CRISPLD1: variants seen among roughly 807,000 people sequenced by gnomAD.
CRISPLD1 encodes the protein cysteine rich secretory protein LCCL domain containing 1.
CRISPLD1 carries 60 observed loss-of-function variants against 77.5 expected under a neutral mutation model. That is an observed-to-expected ratio of 0.77 (90% CI 0.63 to 0.96). The LOEUF is 0.96. Among genes scored for constraint, CRISPLD1 ranks in the 40% least tolerant of loss-of-function variants. The probability of loss-of-function intolerance (pLI) is 0.00; values close to 1 mark genes in which losing one functional copy is unlikely to be tolerated. For missense variants in CRISPLD1, 623 were observed against 615.8 expected (o/e 1.01, Z -0.12); for synonymous variants, 195 against 200.1 (o/e 0.97, Z 0.22).
At position 75,016,572 on chromosome 8, in the gene CRISPLD1, A is replaced by G; in HGVS notation, c.735A>G (p.Ser245=). The change falls in exon 7 of 15, where the codon TCA becomes TCG. Residue 245 remains serine (S), a synonymous_variant. Transcript: ENST00000262207. ...ATCTGCTTTCTCTAACAGAAGGGTCAGACAGGTATTATCCCCCTCGAGAAG... is the reference window on the plus strand; with the variant it reads ...ATCTGCTTTCTCTAACAGAAGGGTCGGACAGGTATTATCCCCCTCGAGAAG... The part of the protein sequence containing the change: ...CRENLCYKEG[S]DRYYPPREEE... The G allele has an allele frequency of 6.2e-7, 1 of 1,611,122 alleles. No individual in the cohort carries two copies. The highest frequency in any genetic ancestry group is 8.5e-7 in the Non-Finnish European group (1 of 1,178,406).
At chr8:75,032,159 A>AT in intron 14 of CRISPLD1, 32 bp from the exon 15 acceptor site, 1 of 1,476,634 alleles carries the variant, frequency 6.8e-7, no homozygotes, top group African/African-American at 1.5e-5. Flanking sequence ...GATGACATCA[A>AT]TATACTTTTC....
intron 2 of CRISPLD1, among the ~76,000 whole-genome samples, chr8:75,002,350 G>T (rs1480164934): frequency 6.7e-6 from 1 of 148,400 alleles, no homozygotes; most frequent in African/African-American, 2.5e-5. Flanking sequence ...GGGAAGAAGA[G>T]AAAATTCATT....
rs145808491 is a variant in CRISPLD1, at chr8:75,007,133, TATA to T, written c.259-5294_259-5292del. Among the ~76,000 whole-genome samples, 674 of 152,282 alleles carry T rather than the reference TATA, an allele frequency of 4.4e-3. 5 individuals carry two copies. The highest frequency in any genetic ancestry group is 0.015 in the African/African-American group (630 of 41,566). On this transcript the variant is annotated intron_variant, in intron 2 of 14. Transcript: ENST00000262207. Reference sequence around the variant, plus strand: ...CTTCAACTCTTGTTTAATGTAGTACTATAATAATTTTGAAGTTATAAAGAGTAA... The same window carrying T: ...CTTCAACTCTTGTTTAATGTAGTACTATAATTTTGAAGTTATAAAGAGTAA...
chr8:75,027,344 T>C (rs891620724), intron 13 of CRISPLD1, among the ~76,000 whole-genome samples: 2 of 152,230 alleles, frequency 1.3e-5, no homozygotes, highest in Non-Finnish European at 2.9e-5. Flanking sequence ...TTAATAAATA[T>C]ATAGGAATAT....
intron 9 of CRISPLD1, 75 bp downstream of exon 9, chr8:75,017,188 CACCTT>C (rs1813047443): frequency 1.3e-6 from 2 of 1,509,778 alleles, no homozygotes; most frequent in African/African-American, 1.4e-5. Context: ...TGCAAAATAA[CACCTT>C]ACATAAGTAT....
rs896008538 is a variant in CRISPLD1 at position 75,029,271 on chromosome 8, T to G, written c.1321-116T>G. 13 of 1,019,432 alleles carry G rather than the reference T, an allele frequency of 1.3e-5. No individual in the cohort carries two copies. The Admixed American group carries it at 1.7e-4, about 14-fold the overall frequency. 63.1% of individuals were successfully genotyped at this position (1,019,432 alleles called of 1,614,324 possible). A position where few individuals can be genotyped will look rare whatever the true frequency, so the allele number is the denominator to read the frequency against. ...AAAACCTCATCCTGTAGCTGCTCAC[T>G]GGCTATCCATGACATCAGGATGTCA... On this transcript the variant is annotated intron_variant, in intron 13 of 14. Coordinates refer to ENST00000262207, the MANE Select transcript of CRISPLD1 (RefSeq NM_031461.6).
Position 74,986,080 on chromosome 8 carries a change from A to G in CRISPLD1, c.93A>G (p.Leu31=). The G allele has an allele frequency of 6.2e-7, 1 of 1,614,124 alleles. No homozygotes were observed. The highest frequency in any genetic ancestry group is 8.5e-7 in the Non-Finnish European group (1 of 1,180,032). The stretch of plus-strand genomic sequence containing the variant: ...CCATGGTGGTTCCCAATGCCACTTT[A>G]TTGGAGAAACTTTTGGAAAAATACA... ...IPAMVVPNAT[L]LEKLLEKYMD... Residue 31 remains leucine, a synonymous_variant, in exon 2 of 15, where the codon TTA becomes TTG. Coordinates refer to ENST00000262207, the MANE Select transcript of CRISPLD1 (RefSeq NM_031461.6).
chr8:74,985,777 G>A, intron 1 of CRISPLD1, 149 bp from the exon 2 acceptor site: 1 of 626,566 alleles, frequency 1.6e-6, no homozygotes, highest in Non-Finnish European at 2.8e-6. Context: ...TTGGAGATAA[G>A]TTATTTCAAA....
rs1361701837 is a variant in CRISPLD1 at position 75,012,495 on chromosome 8, T to C, written c.321T>C (p.His107=). ...GGGCTGAAAGTTGCTTGTGGGAACA[T>C]GGACCTGCAAGCTTGCTTCCATCAA... The part of the protein sequence containing the change: ...ESWAESCLWE[H]GPASLLPSIG... Residue 107 remains histidine, a synonymous_variant, in exon 3 of 15, where the codon CAT becomes CAC. Coordinates refer to ENST00000262207, the MANE Select transcript of CRISPLD1 (RefSeq NM_031461.6). The C allele has an allele frequency of 7.4e-6, 12 of 1,613,164 alleles. No individual in the cohort carries two copies. Among genetic ancestry groups the C allele is most frequent in the Non-Finnish European group, 8.5e-6 (10 of 1,179,330 alleles).
At chr8:75,024,513 CG>C (rs1213344087) in intron 12 of CRISPLD1, among the ~76,000 whole-genome samples, 2 of 152,078 alleles carry the variant, frequency 1.3e-5, no homozygotes, top group African/African-American at 2.4e-5. Context: ...TTAGCAGAGA[CG>C]GGGTTTCACC....
rs562371786 is a variant in CRISPLD1 at position 75,026,107 on chromosome 8, GA to G, written c.1320+488del. Among the ~76,000 whole-genome samples, 274 of 152,270 alleles carry G rather than the reference GA, an allele frequency of 1.8e-3. 1 individual carries two copies. The highest frequency in any genetic ancestry group is 3.1e-3 in the Non-Finnish European group (208 of 68,008). Reference sequence around the variant, plus strand: ...AGATGACTTTAGTGGGTTGGACAAGGAATGTGAGCTGTGATGGCCCAGGCTG... The same window carrying G: ...AGATGACTTTAGTGGGTTGGACAAGGATGTGAGCTGTGATGGCCCAGGCTG... On this transcript the variant is annotated intron_variant, in intron 13 of 14. Coordinates refer to ENST00000262207, the MANE Select transcript of CRISPLD1 (RefSeq NM_031461.6).
chr8:74,997,878 G>A (rs970156928), intron 2 of CRISPLD1, among the ~76,000 whole-genome samples: 4 of 152,196 alleles, frequency 2.6e-5, no homozygotes, highest in Non-Finnish European at 5.9e-5. Flanking sequence ...TCAGTGGTGA[G>A]GAATGCTCAG....
At position 74,986,246 on chromosome 8, in the gene CRISPLD1, G is replaced by T. The variant is rs762504385; in HGVS notation, c.258+1G>T. On this transcript the variant is annotated splice_donor_variant, in intron 2 of 14. Transcript: ENST00000262207. LOFTEE classifies it high-confidence loss of function. ...AACAGCCTCTAATATGGAGTATATGGTAAGGACATTTTTCAAGTGGTATGT... is the reference window on the plus strand; with the variant it reads ...AACAGCCTCTAATATGGAGTATATGTTAAGGACATTTTTCAAGTGGTATGT... The T allele has an allele frequency of 1.2e-6, 2 of 1,613,196 alleles. No homozygotes were observed. The highest frequency in any genetic ancestry group is 4.5e-5 in the East Asian group (2 of 44,870).
chr8:74,986,884 CTT>C (rs1438497277), intron 2 of CRISPLD1, among the ~76,000 whole-genome samples: 1 of 152,116 alleles, frequency 6.6e-6, no homozygotes, highest in East Asian at 1.9e-4. Context: ...AAATTTGCAA[CTT>C]TAAGGGACAT....
chr8:75,024,247 A>G (rs973289928), intron 12 of CRISPLD1, among the ~76,000 whole-genome samples: 7 of 152,186 alleles, frequency 4.6e-5, no homozygotes, highest in African/African-American at 7.2e-5. Flanking sequence ...GGCTCTTGTC[A>G]TTTACTCTGA....
rs1346757663 is a variant in CRISPLD1, at chr8:75,016,681, G to A, written c.844G>A (p.Glu282Lys). The A allele has an allele frequency of 6.2e-7, 1 of 1,612,944 alleles. No individual in the cohort carries two copies. Residue 282 changes from glutamate to lysine, a missense_variant, in exon 7 of 15, where the codon GAA (glutamate) becomes AAA (lysine). Glu to Lys is a moderately conservative substitution (Grantham distance 56, BLOSUM62 1). Transcript: ENST00000262207. ...RTRSDDSSRN[E>K]VISAQQMSQI... Reference sequence around the variant, plus strand: ...AAGATCAGATGATAGTAGCAGAAATGAAGTCATAAGCGCACAGCAAATGTG... The same window carrying A: ...AAGATCAGATGATAGTAGCAGAAATAAAGTCATAAGCGCACAGCAAATGTG...
chr8:75,020,345 T>C (rs1813112085), intron 12 of CRISPLD1, among the ~76,000 whole-genome samples: 1 of 152,256 alleles, frequency 6.6e-6, no homozygotes, highest in Admixed American at 6.5e-5. Context: ...ATTAGTCTGC[T>C]GTGGCTGCTG....
intron 2 of CRISPLD1, among the ~76,000 whole-genome samples, chr8:74,988,461 A>G (rs1222708803): frequency 6.6e-6 from 1 of 152,092 alleles, no homozygotes; most frequent in East Asian, 1.9e-4. Flanking sequence ...CTTTAAACCT[A>G]TGGGAGCCAG....
intron 2 of CRISPLD1, among the ~76,000 whole-genome samples, chr8:74,987,111 G>GT (rs1049375224): frequency 5.3e-5 from 8 of 151,902 alleles, no homozygotes; most frequent in Non-Finnish European, 1.2e-4. Context: ...ATACATTCTA[G>GT]TTTTTTTCTG....
Sources: gnomAD v4.1 joint callset for allele counts (sites outside exome capture counted in the v4.1 genomes callset) on GRCh38, gnomAD v4.1.1 for gene constraint, MANE v1.5 for transcripts, NCBI Gene and HGNC (gene_info 2026-07-23, HGNC 2026-07-21) for gene names.